The following APOH variants were observed in gnomAD, a reference collection of about 807,000 sequenced individuals.
APOH encodes apolipoprotein H.
Under a neutral mutation model 39.8 loss-of-function variants are expected in APOH, and 48 were observed. The observed-to-expected ratio is 1.21, with a 90% CI of 0.96 to 1.54. The LOEUF is 1.54. Ranked by LOEUF, APOH falls within the 40% of genes most tolerant of loss-of-function variation. The pLI is 0.00. For missense variants in APOH, 415 were observed against 421.2 expected, an observed-to-expected ratio of 0.99 and a Z score of 0.13; for synonymous variants, 153 against 151.1, an observed-to-expected ratio of 1.01 and a Z score of -0.09.
intron 6 of APOH, among the ~76,000 whole-genome samples, chr17:66,215,641 C>G (rs1567738117): frequency 6.6e-6 from 1 of 152,304 alleles, no homozygotes; most frequent in East Asian, 1.9e-4. Flanking sequence ...CCATAGTGAC[C>G]TGAGCAGAGT....
chr17:66,227,980 C>G (rs2073449543), intron 2 of APOH, 40 bp downstream of exon 2: 1 of 1,583,210 alleles, frequency 6.3e-7, no homozygotes, highest in African/African-American at 1.3e-5. Context: ...ACCCAGAATC[C>G]AAATGAGGGA....
At chr17:66,228,473 A>T in intron 1 of APOH, 1 of 365,032 alleles carries the variant, frequency 2.7e-6, no homozygotes, top group Non-Finnish European at 5.0e-6. Context: ...AAGAATCAGT[A>T]TCAATCCAGT....
chr17:66,218,870 C>T lies in APOH; in HGVS notation c.604+1684G>A, dbSNP rs8178929. Reference sequence around the variant, plus strand: ...ACTAAAATTATAAAAATTAGCTGGGCGTGGTGGCAGGTGCCTATATTCCCA... The same window carrying T: ...ACTAAAATTATAAAAATTAGCTGGGTGTGGTGGCAGGTGCCTATATTCCCA... On this transcript the variant is annotated intron_variant, in intron 5 of 7. Coordinates refer to ENST00000205948, the MANE Select transcript of APOH (RefSeq NM_000042.3). 8.7e-4 allele frequency among the ~76,000 whole-genome samples: 132 copies of T among 151,822 alleles called. 1 individual carries two copies. The highest frequency in any genetic ancestry group is 2.9e-3 in the African/African-American group (122 of 41,386).
intron 2 of APOH, 46 bp downstream of exon 2, chr17:66,227,974 A>C (rs752587023): frequency 6.3e-7 from 1 of 1,576,154 alleles, no homozygotes; most frequent in East Asian, 2.2e-5. Context: ...CAAAATACCC[A>C]GAATCCAAAT....
intron 3 of APOH, among the ~76,000 whole-genome samples, chr17:66,224,666 G>A (rs1310926786): frequency 3.6e-4 from 13 of 36,080 alleles, no homozygotes; most frequent in African/African-American, 1.8e-3. Flanking sequence ...GGGAAGGGAA[G>A]GGAAGGGAAG....
chr17:66,221,498 T>C (rs1479352982), intron 4 of APOH, among the ~76,000 whole-genome samples: 3 of 151,958 alleles, frequency 2.0e-5, no homozygotes, highest in African/African-American at 7.3e-5. Context: ...GTCTTGCCAC[T>C]GCCTTTTGCA....
At chr17:66,213,993 G>T (rs2073349834) in intron 7 of APOH, among the ~76,000 whole-genome samples, 2 of 151,760 alleles carry the variant, frequency 1.3e-5, no homozygotes, top group Admixed American at 1.3e-4. Flanking sequence ...GCAGCTCACT[G>T]CTTCATATCA....
intron 7 of APOH, among the ~76,000 whole-genome samples, chr17:66,213,550 A>G (rs1195023099): frequency 6.6e-6 from 1 of 152,206 alleles, no homozygotes; most frequent in Non-Finnish European, 1.5e-5. Flanking sequence ...TATTTGGTTC[A>G]TTATTATTCA....
intron 4 of APOH, among the ~76,000 whole-genome samples, chr17:66,222,144 T>G (rs2146996272): frequency 1.3e-5 from 2 of 152,302 alleles, no homozygotes. Context: ...CCCAGAGCCC[T>G]GAGAGGCTGA....
intron 6 of APOH, 42 bp from the exon 7 acceptor site, chr17:66,214,692 G>A: frequency 6.5e-7 from 1 of 1,531,242 alleles, no homozygotes; most frequent in Non-Finnish European, 9.0e-7. Flanking sequence ...AAGAGTTCAG[G>A]AAGTCTTTCT....
chr17:66,215,943 A>T (rs1445072041), intron 6 of APOH, among the ~76,000 whole-genome samples: 2 of 152,152 alleles, frequency 1.3e-5, no homozygotes, highest in African/African-American at 4.8e-5. Context: ...TGCCCACATG[A>T]TCGACTTGCC....
chr17:66,214,875 A>G (rs1440397675), intron 6 of APOH, among the ~76,000 whole-genome samples: 1 of 151,558 alleles, frequency 6.6e-6, no homozygotes, highest in Non-Finnish European at 1.5e-5. Context: ...CTTCCCCTAC[A>G]GTAGCCACAG....
chr17:66,228,192 A>G lies in APOH; in HGVS notation c.69T>C (p.Cys23=). 1 of 1,613,632 alleles carries G rather than the reference A, an allele frequency of 6.2e-7. No individual in the cohort carries two copies. The highest frequency in any genetic ancestry group is 8.5e-7 in the Non-Finnish European group (1 of 1,179,672). The change falls in exon 2 of 8, where the codon TGT becomes TGC. Residue 23 remains cysteine (C), a synonymous_variant. Transcript: ENST00000205948. ...LCHVAIAGRT[C]PKPDDLPFST... ...AAAATGGTAAATCATCTGGCTTGGGACAGGCTGAAAGAGGGCACAAAGCAG... is the reference window on the plus strand; with the variant it reads ...AAAATGGTAAATCATCTGGCTTGGGGCAGGCTGAAAGAGGGCACAAAGCAG...
chr17:66,216,665 C>T, intron 6 of APOH, 123 bp downstream of exon 6: 2 of 964,720 alleles, frequency 2.1e-6, no homozygotes, highest in Non-Finnish European at 3.0e-6. Context: ...AAGTCACATG[C>T]CAGCAGTTTC....
intron 5 of APOH, among the ~76,000 whole-genome samples, chr17:66,217,409 T>C (rs2073372514): frequency 6.8e-6 from 1 of 147,024 alleles, no homozygotes; most frequent in African/African-American, 2.5e-5. Flanking sequence ...CTTACTGTTA[T>C]TCAATTCAGA....
At chr17:66,220,453 T>C in intron 5 of APOH, 101 bp downstream of exon 5, 1 of 1,130,802 alleles carries the variant, frequency 8.8e-7, no homozygotes, top group Non-Finnish European at 1.3e-6. Flanking sequence ...AGCTGTTGAA[T>C]GAGTTCATTG....
rs1178795590 is a variant in APOH at position 66,222,567 on chromosome 17, C to CTTTT, written c.415+1127_415+1130dup. Among the ~76,000 whole-genome samples, 275 of 84,876 alleles carry CTTTT rather than the reference C, an allele frequency of 3.2e-3. 5 individuals carry two copies. The highest frequency in any genetic ancestry group is 3.8e-3 in the Non-Finnish European group (171 of 45,308). The allele number at this position is 84,876 out of a possible 152,430, so 55.7% of individuals were successfully genotyped here. On this transcript the variant is annotated intron_variant, in intron 4 of 7. Transcript: ENST00000205948. ...TTGAAATTGCTTTACTTTCCACTTG[C>CTTTT]TTTTTTTTTTTTTTTTTTTTTGAGA...
At chr17:66,217,709 G>A (rs1460407802) in intron 5 of APOH, among the ~76,000 whole-genome samples, 2 of 152,178 alleles carry the variant, frequency 1.3e-5, no homozygotes, top group African/African-American at 4.8e-5. Context: ...CTGGCACTTT[G>A]GGAGGCTGAG....
intron 2 of APOH, among the ~76,000 whole-genome samples, chr17:66,227,027 C>A (rs909466248): frequency 6.6e-6 from 1 of 151,958 alleles, no homozygotes; most frequent in Non-Finnish European, 1.5e-5. Flanking sequence ...GGACTACAGG[C>A]GCATGCCAGC....
Sources: gnomAD v4.1 joint callset for allele counts (sites outside exome capture counted in the v4.1 genomes callset) on GRCh38, gnomAD v4.1.1 for gene constraint, MANE v1.5 for transcripts, NCBI Gene and HGNC (gene_info 2026-07-23, HGNC 2026-07-21) for gene names.